CLVS1: variants seen among roughly 807,000 people sequenced by gnomAD.
The protein encoded by CLVS1 is clavesin 1, also known as clavesin-1.
A neutral mutation model predicts 33.1 loss-of-function variants in CLVS1; 10 were observed. The observed-to-expected ratio is 0.30, with a 90% CI of 0.19 to 0.51. The LOEUF (loss-of-function observed/expected upper bound fraction) is 0.51, where lower values mean the gene tolerates loss of function less well. CLVS1 is among the 20% of genes least tolerant of loss of function. The pLI is 0.97. For synonymous variants in CLVS1, 163 were observed against 166.1 expected, an observed-to-expected ratio of 0.98 and a Z score of 0.14; for missense variants, 343 against 433.4, an observed-to-expected ratio of 0.79 and a Z score of 1.85.
chr8:61,290,237 G>T (rs1809936978), intron 1 of CLVS1, among the ~76,000 whole-genome samples: 1 of 152,178 alleles, frequency 6.6e-6, no homozygotes, highest in African/African-American at 2.4e-5. Context: ...GCTTCAGTGA[G>T]ATTTACAGGC....
At chr8:61,128,125 T>C (rs1585630209) in intron 1 of CLVS1, among the ~76,000 whole-genome samples, 1 of 152,374 alleles carries the variant, frequency 6.6e-6, no homozygotes, top group Non-Finnish European at 1.5e-5. Flanking sequence ...TAGCCAAATA[T>C]CTGAGTTTTT....
intron 2 of CLVS1, among the ~76,000 whole-genome samples, chr8:61,172,673 T>C (rs1334074683): frequency 6.6e-6 from 1 of 152,178 alleles, no homozygotes; most frequent in African/African-American, 2.4e-5. Flanking sequence ...TACGAATCTT[T>C]AAAATGTGCA....
chr8:61,208,854 G>A (rs879845895), intron 2 of CLVS1, among the ~76,000 whole-genome samples: 7 of 152,180 alleles, frequency 4.6e-5, no homozygotes, highest in Non-Finnish European at 1.0e-4. Flanking sequence ...CCAAAGCACT[G>A]GGATTACAGG....
At chr8:61,417,973 G>A (rs373619133) in intron 3 of CLVS1, among the ~76,000 whole-genome samples, 1 of 152,164 alleles carries the variant, frequency 6.6e-6, no homozygotes, top group East Asian at 1.9e-4. Context: ...TGTTGCTTTG[G>A]TACACTGCCC....
chr8:61,403,757 A>G (rs1437390393), intron 3 of CLVS1, among the ~76,000 whole-genome samples: 1 of 152,202 alleles, frequency 6.6e-6, no homozygotes, highest in Non-Finnish European at 1.5e-5. Context: ...AACATTAAAT[A>G]TTCCAAGTGG....
chr8:61,140,648 C>T (rs1806290918), intron 2 of CLVS1, among the ~76,000 whole-genome samples: 1 of 152,144 alleles, frequency 6.6e-6, no homozygotes, highest in Non-Finnish European at 1.5e-5. Flanking sequence ...CTGGAAGCTC[C>T]GCCTCCCAGG....
At chr8:61,488,874 A>G (rs1474020526) in intron 5 of CLVS1, among the ~76,000 whole-genome samples, 2 of 152,084 alleles carry the variant, frequency 1.3e-5, no homozygotes, top group African/African-American at 4.8e-5. Flanking sequence ...CTTCCTCCCC[A>G]TCTGCAAGTT....
In CLVS1 at chr8:61,244,510, GT is replaced by G. The variant is rs372687922; in HGVS notation, c.-151-55165del. Among the ~76,000 whole-genome samples the G allele has an allele frequency of 5.1e-3, 773 of 152,206 alleles. 11 individuals are homozygous for G. Among genetic ancestry groups the G allele is most frequent in the African/African-American group, 0.018 (737 of 41,526 alleles). On this transcript the variant is annotated intron_variant, in intron 2 of 2. Coordinates refer to the CLVS1 transcript ENST00000522621. Reference sequence around the variant, plus strand: ...TTAAGTCAAGTTTTAATGTTGTTCAGTTCTTCTGTAGCTGTACTAATATTTT... The same window carrying G: ...TTAAGTCAAGTTTTAATGTTGTTCAGTCTTCTGTAGCTGTACTAATATTTT...
chr8:60,985,228 C>A, the CLVS1 span, among the ~76,000 whole-genome samples: 1 of 152,232 alleles, frequency 6.6e-6, no homozygotes. Context: ...GACCTCAGGA[C>A]ACCTCCAACA....
the CLVS1 span, among the ~76,000 whole-genome samples, chr8:61,046,564 A>G: frequency 3.4e-5 from 5 of 148,188 alleles, no homozygotes; most frequent in South Asian, 2.2e-4. Flanking sequence ...CATTGAATCT[A>G]TAAATTACCT....
upstream of CLVS1, among the ~76,000 whole-genome samples, chr8:61,054,359 G>A (rs942839333): frequency 2.7e-4 from 41 of 152,304 alleles, no homozygotes; most frequent in African/African-American, 9.1e-4. Context: ...CATCCTGTGG[G>A]CTGCCAGGGA....
the CLVS1 span, among the ~76,000 whole-genome samples, chr8:61,037,281 C>T: frequency 1.3e-5 from 2 of 152,130 alleles, no homozygotes; most frequent in African/African-American, 4.8e-5. Flanking sequence ...AACAACAACT[C>T]CTCACTCCCT....
At chr8:61,444,078 T>A (rs1043312841) in intron 3 of CLVS1, among the ~76,000 whole-genome samples, 10 of 152,218 alleles carry the variant, frequency 6.6e-5, no homozygotes, top group Non-Finnish European at 1.3e-4. Flanking sequence ...TTATCTTAAA[T>A]CCTGCAACAT....
chr8:60,993,505 A>G, the CLVS1 span, among the ~76,000 whole-genome samples: 3 of 152,184 alleles, frequency 2.0e-5, no homozygotes, highest in Non-Finnish European at 2.9e-5. Context: ...CTTCTCATCT[A>G]TTAGATGGGC....
At chr8:61,092,287 A>G (rs762873387) in intron 1 of CLVS1, among the ~76,000 whole-genome samples, 4 of 152,198 alleles carry the variant, frequency 2.6e-5, no homozygotes, top group Non-Finnish European at 5.9e-5. Flanking sequence ...TAGGTTATAC[A>G]TGTGATGGAC....
chr8:61,474,703 G>C, intron 5 of CLVS1, among the ~76,000 whole-genome samples: 1 of 152,202 alleles, frequency 6.6e-6, no homozygotes, highest in East Asian at 1.9e-4. Context: ...AGAGCAAGAA[G>C]CTCTCTTTAC....
At chr8:61,346,396 G>A (rs1306674742) in intron 2 of CLVS1, among the ~76,000 whole-genome samples, 2 of 152,104 alleles carry the variant, frequency 1.3e-5, no homozygotes, top group Non-Finnish European at 2.9e-5. Flanking sequence ...AGAAGCAGAG[G>A]TCGCAGTTGA....
intron 1 of CLVS1, among the ~76,000 whole-genome samples, chr8:61,057,999 G>A (rs1012769720): frequency 2.6e-5 from 4 of 152,178 alleles, no homozygotes; most frequent in African/African-American, 9.7e-5. Flanking sequence ...CTGGGGAGGC[G>A]CTTTAAGAAA....
intron 3 of CLVS1, among the ~76,000 whole-genome samples, chr8:61,397,121 C>T (rs751960843): frequency 6.6e-6 from 1 of 152,112 alleles, no homozygotes; most frequent in African/African-American, 2.4e-5. Flanking sequence ...AACCATTTTC[C>T]AAAGTGACTG....
Sources: gnomAD v4.1 joint callset for allele counts (sites outside exome capture counted in the v4.1 genomes callset) on GRCh38, gnomAD v4.1.1 for gene constraint, MANE v1.5 for transcripts, NCBI Gene and HGNC (gene_info 2026-07-23, HGNC 2026-07-21) for gene names.